Variants in WWTR1 observed in about 807,000 individuals in gnomAD.
WWTR1 encodes the protein WW domain containing transcription regulator 1.
In WWTR1, 13 loss-of-function variants were observed where a neutral mutation model predicts 40.1. The ratio of observed to expected loss-of-function variants is 0.32; its 90% CI spans 0.21 to 0.52. The LOEUF (loss-of-function observed/expected upper bound fraction) is 0.52, where lower values mean the gene tolerates loss of function less well. Among genes scored for constraint, WWTR1 ranks in the 20% least tolerant of loss-of-function variants. The pLI is 0.97. For missense variants in WWTR1, 436 were observed against 523.1 expected (o/e 0.83, Z 1.63); for synonymous variants, 230 against 210.1 (o/e 1.09, Z -0.82).
In WWTR1 at chr3:149,620,563, C is replaced by CCA. The variant is rs760452854; in HGVS notation, c.431+36312_431+36313insTG. On this transcript the variant is annotated intron_variant, in intron 2 of 6. Coordinates refer to ENST00000360632, the MANE Select transcript of WWTR1 (RefSeq NM_015472.6). ...GTTCTTCTGCACCCCTCCTCCACCG[C>CCA]TCCCCCCCACACACACACACTCATC... Among the ~76,000 whole-genome samples, 78 of 11,576 alleles carry CCA rather than the reference C, an allele frequency of 6.7e-3. 1 individual carries two copies. Among genetic ancestry groups the CCA allele is most frequent in the African/African-American group, 0.044 (75 of 1,722 alleles). The allele number at this position is 11,576 out of a possible 152,430, so 7.6% of individuals were successfully genotyped here.
At chr3:149,620,049 A>G (rs1740197256) in intron 2 of WWTR1, among the ~76,000 whole-genome samples, 1 of 152,176 alleles carries the variant, frequency 6.6e-6, no homozygotes, top group African/African-American at 2.4e-5. Context: ...CCTGGGCTCC[A>G]TCTTATAGCA....
At chr3:149,612,836 T>A (rs757352751) in intron 2 of WWTR1, among the ~76,000 whole-genome samples, 3 of 152,156 alleles carry the variant, frequency 2.0e-5, no homozygotes, top group Non-Finnish European at 4.4e-5. Context: ...TCCCTCCCCA[T>A]GTCACTCCAC....
At chr3:149,718,926 A>G (rs1427332323) in intron 4 of WWTR1, among the ~76,000 whole-genome samples, 1 of 151,124 alleles carries the variant, frequency 6.6e-6, no homozygotes, top group African/African-American at 2.4e-5. Context: ...CCCAGGTTCA[A>G]GCGGTTCTCC....
chr3:149,610,719 C>T (rs1005072883), intron 2 of WWTR1, among the ~76,000 whole-genome samples: 1 of 152,166 alleles, frequency 6.6e-6, no homozygotes, highest in Admixed American at 6.5e-5. Flanking sequence ...AGCAGGGTTG[C>T]CAACTTCTGA....
chr3:149,573,779 C>T (rs1413580684), intron 2 of WWTR1, among the ~76,000 whole-genome samples: 5 of 152,170 alleles, frequency 3.3e-5, no homozygotes, highest in Non-Finnish European at 7.4e-5. Flanking sequence ...ACTAACCCAA[C>T]ATGAAACATG....
chr3:149,653,198 G>GATAACTTTCTTCTTTATAATTCCCC (rs1196550689), intron 2 of WWTR1, among the ~76,000 whole-genome samples: 2 of 152,218 alleles, frequency 1.3e-5, no homozygotes, highest in Non-Finnish European at 2.9e-5. Context: ...ACTGAAGCTA[G>GATAACTTTCTTCTTTATAATTCCCC]ATAACTTTCT....
At position 149,597,459 on chromosome 3, in the gene WWTR1, A is replaced by AGAAGAAGAT. The variant is rs1478481355; in HGVS notation, c.432-24460_432-24459insATCTTCTTC. Among the ~76,000 whole-genome samples the AGAAGAAGAT allele has an allele frequency of 6.0e-5, 9 of 150,460 alleles. No individual in the cohort carries two copies. The East Asian group carries it at 1.7e-3, about 29-fold the overall frequency. On this transcript the variant is annotated intron_variant, in intron 2 of 6. Transcript: ENST00000360632. ...AAAAAAAAAAAAAAGAAGAAGAAGA[A>AGAAGAAGAT]GAAGAAGGAAAAAAAAAAGAAAAAA...
In WWTR1 at chr3:149,537,429, A is replaced by T. The variant is rs144747262; in HGVS notation, c.771+4906T>A. ...TGATACACATGATACATACAAAAAG[A>T]CTAGAAAGAAATCATCAGCATATTT... On this transcript the variant is annotated intron_variant, in intron 4 of 6. Coordinates refer to ENST00000360632, the MANE Select transcript of WWTR1 (RefSeq NM_015472.6). Among the ~76,000 whole-genome samples, 39 of 152,322 alleles carry T rather than the reference A, an allele frequency of 2.6e-4. 1 individual carries two copies. The highest frequency in any genetic ancestry group is 2.2e-3 in the Admixed American group (33 of 15,296).
chr3:149,716,391 TAATAA>T (rs1715608521), intron 5 of WWTR1, among the ~76,000 whole-genome samples: 1 of 151,226 alleles, frequency 6.6e-6, no homozygotes. Flanking sequence ...CAAAAAAAAA[TAATAA>T]AATAAAATAA....
chr3:149,613,193 G>A (rs1256365803), intron 2 of WWTR1, among the ~76,000 whole-genome samples: 2 of 152,152 alleles, frequency 1.3e-5, no homozygotes, highest in Admixed American at 6.5e-5. Flanking sequence ...TAAAACCTGG[G>A]CAGTCTCAGA....
intron 2 of WWTR1, among the ~76,000 whole-genome samples, chr3:149,641,452 A>G (rs761542941): frequency 2.0e-5 from 3 of 152,190 alleles, no homozygotes; most frequent in Non-Finnish European, 4.4e-5. Context: ...CACACACATG[A>G]GGTAAGCTGG....
At chr3:149,714,494 G>A (rs909794468) in intron 5 of WWTR1, among the ~76,000 whole-genome samples, 1 of 152,260 alleles carries the variant, frequency 6.6e-6, no homozygotes, top group Non-Finnish European at 1.5e-5. Context: ...GGCTGGGTGT[G>A]CGCAGGCTCA....
chr3:149,645,655 C>T (rs1712475056), intron 2 of WWTR1, among the ~76,000 whole-genome samples: 1 of 152,200 alleles, frequency 6.6e-6, no homozygotes, highest in Non-Finnish European at 1.5e-5. Flanking sequence ...GATGGGTTAT[C>T]ACACACAGTT....
intron 2 of WWTR1, among the ~76,000 whole-genome samples, chr3:149,669,021 G>GGAAC (rs1444149990): frequency 2.6e-5 from 4 of 152,214 alleles, no homozygotes; most frequent in Non-Finnish European, 4.4e-5. Context: ...ATTGGCGTGG[G>GGAAC]AGAGACTTGG....
intron 2 of WWTR1, among the ~76,000 whole-genome samples, chr3:149,668,713 A>G (rs980468900): frequency 6.6e-6 from 1 of 152,190 alleles, no homozygotes. Context: ...GTAGTTACCA[A>G]TGGGGAACGG....
Position 149,520,261 on chromosome 3 carries a change from T to C in WWTR1, c.*544A>G, listed in dbSNP as rs1346076685. Reference sequence around the variant, plus strand: ...GAGCCAGCATGGATTCAAAATTACATTGTATTCCATACAGTAGAATTTTAC... The same window carrying C: ...GAGCCAGCATGGATTCAAAATTACACTGTATTCCATACAGTAGAATTTTAC... On this transcript the variant is annotated 3_prime_UTR_variant, in exon 7 of 7. Coordinates refer to ENST00000360632, the MANE Select transcript of WWTR1 (RefSeq NM_015472.6). 6.6e-6 allele frequency: 1 copy of C among 152,268 alleles called. No homozygotes were observed. The highest frequency in any genetic ancestry group is 6.5e-5 in the Admixed American group (1 of 15,286). 9.4% of individuals were successfully genotyped at this position (152,268 alleles called of 1,614,324 possible).
chr3:149,685,129 A>C (rs1714600522), intron 1 of WWTR1, among the ~76,000 whole-genome samples: 1 of 152,120 alleles, frequency 6.6e-6, no homozygotes, highest in African/African-American at 2.4e-5. Context: ...CTCTCTTATA[A>C]TCCTGGGAGG....
At chr3:149,598,087 CA>C (rs1300151072) in intron 2 of WWTR1, among the ~76,000 whole-genome samples, 6 of 152,240 alleles carry the variant, frequency 3.9e-5, no homozygotes, top group African/African-American at 1.4e-4. Flanking sequence ...GAATATGTGA[CA>C]GGGCCTAACA....
intron 2 of WWTR1, among the ~76,000 whole-genome samples, chr3:149,641,879 C>G (rs1329751130): frequency 6.6e-6 from 1 of 152,166 alleles, no homozygotes; most frequent in Non-Finnish European, 1.5e-5. Flanking sequence ...TTTCCAAGGC[C>G]CAAAGCACAG....
Sources: allele counts gnomAD v4.1 joint callset (sites outside exome capture counted in the v4.1 genomes callset), GRCh38; gene constraint gnomAD v4.1.1; transcripts MANE v1.5; gene names NCBI Gene and HGNC (gene_info 2026-07-23, HGNC 2026-07-21).